Variants in NRXN3 observed in about 807,000 individuals in gnomAD.
NRXN3 encodes the protein neurexin III.
NRXN3 carries 32 observed loss-of-function variants against 137.6 expected under a neutral mutation model. The ratio of observed to expected loss-of-function variants is 0.23; its 90% CI spans 0.18 to 0.31. The LOEUF is 0.31. NRXN3 is among the 10% of genes least tolerant of loss of function. The pLI, the probability that NRXN3 is intolerant of heterozygous loss-of-function variation, is 1.00. For synonymous variants in NRXN3, 798 were observed against 784.5 expected (o/e 1.02, Z -0.29); for missense variants, 1,574 against 2,062.5 (o/e 0.76, Z 4.59).
intron 15 of NRXN3, among the ~76,000 whole-genome samples, chr14:79,234,055 A>G (rs146452314): frequency 6.2e-4 from 94 of 151,438 alleles, no homozygotes; most frequent in African/African-American, 2.3e-3. Flanking sequence ...CTGGGAGTGA[A>G]TAGGGGCTTC....
At chr14:79,798,098 C>T (rs1011824355) in intron 19 of NRXN3, among the ~76,000 whole-genome samples, 3 of 148,368 alleles carry the variant, frequency 2.0e-5, no homozygotes, top group Non-Finnish European at 3.0e-5. Flanking sequence ...GAGACCCTGT[C>T]TCAAGGAAAA....
At chr14:79,532,827 A>G (rs2153722303) in intron 16 of NRXN3, among the ~76,000 whole-genome samples, 1 of 152,326 alleles carries the variant, frequency 6.6e-6, no homozygotes, top group Non-Finnish European at 1.5e-5. Context: ...ATAGTTGTCA[A>G]ATTAATAAAT....
intron 15 of NRXN3, among the ~76,000 whole-genome samples, chr14:79,092,424 TA>T (rs2049384476): frequency 6.6e-6 from 1 of 152,194 alleles, no homozygotes; most frequent in Non-Finnish European, 1.5e-5. Flanking sequence ...GAACCACTGT[TA>T]ACATTTCAAT....
intron 15 of NRXN3, among the ~76,000 whole-genome samples, chr14:79,289,570 A>G (rs965130573): frequency 7.2e-5 from 11 of 152,202 alleles, no homozygotes; most frequent in Non-Finnish European, 2.9e-5. Flanking sequence ...CAGTGAGCCA[A>G]GATCACGCCA....
At chr14:79,226,980 C>T (rs1024905283) in intron 15 of NRXN3, among the ~76,000 whole-genome samples, 45 of 151,586 alleles carry the variant, frequency 3.0e-4, no homozygotes, top group Middle Eastern at 3.2e-3. Context: ...ACCACCACAC[C>T]CAGCTAATTT....
At chr14:79,815,622 TATTG>T (rs1482896186) in intron 20 of NRXN3, among the ~76,000 whole-genome samples, 2 of 152,136 alleles carry the variant, frequency 1.3e-5, no homozygotes, top group African/African-American at 4.8e-5. Context: ...AAGGAAGAGA[TATTG>T]ATTATGAGCC....
At chr14:78,713,698 G>A (rs2098419412) in intron 7 of NRXN3, among the ~76,000 whole-genome samples, 1 of 152,206 alleles carries the variant, frequency 6.6e-6, no homozygotes, top group Admixed American at 6.5e-5. Flanking sequence ...AATCATGGTG[G>A]AAGGAGAAGC....
chr14:78,665,049 G>A (rs2097871349), intron 6 of NRXN3, among the ~76,000 whole-genome samples: 1 of 152,182 alleles, frequency 6.6e-6, no homozygotes. Flanking sequence ...GTGGGAGTGT[G>A]TGGTGAATGA....
intron 1 of NRXN3, among the ~76,000 whole-genome samples, chr14:78,200,616 C>T (rs2061591453): frequency 6.6e-6 from 1 of 152,118 alleles, no homozygotes; most frequent in South Asian, 2.1e-4. Context: ...GGTATGGTGT[C>T]CTAGACAGAT....
chr14:79,737,919 T>C (rs960748500), intron 19 of NRXN3, among the ~76,000 whole-genome samples: 1 of 152,140 alleles, frequency 6.6e-6, no homozygotes, highest in African/African-American at 2.4e-5. Context: ...CTTCCAAAAG[T>C]GGCAGGCTTC....
chr14:79,866,842 T>C lies in NRXN3; in HGVS notation c.*4878T>C, dbSNP rs1355940027. The stretch of plus-strand genomic sequence containing the variant: ...ATATTGCTACAGAGGTTACAAAAGC[T>C]GTAGTCAGAGGGCTTCAGTGTTCTG... On this transcript the variant is annotated 3_prime_UTR_variant, in exon 21 of 21. Transcript: ENST00000335750. The C allele has an allele frequency of 6.6e-6, 1 of 152,132 alleles. No homozygotes were observed. Among genetic ancestry groups the C allele is most frequent in the East Asian group, 1.9e-4 (1 of 5,182 alleles). 9.4% of individuals were successfully genotyped at this position (152,132 alleles called of 1,614,324 possible). A position where few individuals can be genotyped will look rare whatever the true frequency, so the allele number is the denominator to read the frequency against.
At chr14:79,017,502 G>C (rs2099581256) in intron 15 of NRXN3, among the ~76,000 whole-genome samples, 1 of 152,022 alleles carries the variant, frequency 6.6e-6, no homozygotes, top group Admixed American at 6.6e-5. Flanking sequence ...TGTTCTTGGA[G>C]TTAGGGAGGT....
intron 19 of NRXN3, among the ~76,000 whole-genome samples, chr14:79,716,446 T>A (rs117220803): frequency 0.015 from 2,221 of 152,338 alleles, 36 homozygotes; most frequent in South Asian, 0.064. Flanking sequence ...TACATTTGTC[T>A]AGGTTTCTGG....
intron 19 of NRXN3, among the ~76,000 whole-genome samples, chr14:79,759,468 CT>C (rs1215591071): frequency 1.3e-5 from 2 of 151,286 alleles, no homozygotes; most frequent in Non-Finnish European, 2.9e-5. Flanking sequence ...CTTACGTATA[CT>C]TCTATAAAAT....
intron 15 of NRXN3, among the ~76,000 whole-genome samples, chr14:79,027,005 T>TATATATATATATA (rs1266846227): frequency 9.2e-6 from 1 of 108,502 alleles, no homozygotes; most frequent in African/African-American, 3.5e-5. Flanking sequence ...TATATATATA[T>TATATATATATATA]CATAGCACAT....
At chr14:78,878,297 A>G (rs886229883) in intron 10 of NRXN3, among the ~76,000 whole-genome samples, 5 of 152,150 alleles carry the variant, frequency 3.3e-5, no homozygotes. Flanking sequence ...TTTCTTCACT[A>G]TTTAAAAAGT....
chr14:79,741,966 A>G (rs932278045), intron 19 of NRXN3, among the ~76,000 whole-genome samples: 2 of 152,204 alleles, frequency 1.3e-5, no homozygotes, highest in Admixed American at 1.3e-4. Flanking sequence ...TTTCTATAAA[A>G]CACCAGTTCA....
At chr14:79,603,656 C>T (rs2097956744) in intron 16 of NRXN3, among the ~76,000 whole-genome samples, 1 of 150,660 alleles carries the variant, frequency 6.6e-6, no homozygotes, top group South Asian at 2.1e-4. Context: ...AAGTCTTTGT[C>T]CTCTTTTGGT....
intron 4 of NRXN3, among the ~76,000 whole-genome samples, chr14:78,410,064 A>T (rs2092732316): frequency 6.6e-6 from 1 of 152,228 alleles, no homozygotes; most frequent in Non-Finnish European, 1.5e-5. Context: ...AGGGGGAGAT[A>T]TAACAGTTAC....
Sources: gnomAD v4.1 joint callset for allele counts (sites outside exome capture counted in the v4.1 genomes callset) on GRCh38, gnomAD v4.1.1 for gene constraint, MANE v1.5 for transcripts, NCBI Gene and HGNC (gene_info 2026-07-23, HGNC 2026-07-21) for gene names.